The following SDK1 variants were observed in gnomAD, a reference collection of about 807,000 sequenced individuals.
SDK1 encodes the protein protein sidekick-1.
Under a neutral mutation model 245.5 loss-of-function variants are expected in SDK1, and 157 were observed. The ratio of observed to expected loss-of-function variants is 0.64; its 90% CI spans 0.56 to 0.73. SDK1 has a LOEUF of 0.73. SDK1 is among the 30% of genes least tolerant of loss of function. The probability of loss-of-function intolerance (pLI) is 0.00; values close to 1 mark genes in which losing one functional copy is unlikely to be tolerated. For missense variants in SDK1, 3,583 were observed against 3,002.3 expected (o/e 1.19, Z -4.52); for synonymous variants, 1,647 against 1,278.5 (o/e 1.29, Z -6.15).
At chr7:4,062,394 AC>A (rs112839725) in intron 19 of SDK1, among the ~76,000 whole-genome samples, 6,988 of 152,224 alleles carry the variant, frequency 0.046, 303 homozygotes, top group African/African-American at 0.11. Context: ...CATACAACCT[AC>A]CAAGATTGAA....
At chr7:3,697,542 T>G (rs976988310) in intron 4 of SDK1, among the ~76,000 whole-genome samples, 4 of 152,194 alleles carry the variant, frequency 2.6e-5, no homozygotes, top group African/African-American at 7.2e-5. Context: ...TAATACCCCT[T>G]TTTTTGAGTC....
At chr7:3,732,701 A>G (rs1208016880) in intron 4 of SDK1, among the ~76,000 whole-genome samples, 1 of 152,202 alleles carries the variant, frequency 6.6e-6, no homozygotes, top group African/African-American at 2.4e-5. Context: ...CTAGCCACAC[A>G]TTTAATGAAA....
At chr7:4,037,761 C>A (rs1485271758) in intron 17 of SDK1, among the ~76,000 whole-genome samples, 3 of 152,172 alleles carry the variant, frequency 2.0e-5, no homozygotes, top group African/African-American at 7.2e-5. Flanking sequence ...ATGAGGAATA[C>A]AGCTTTATAG....
intron 4 of SDK1, among the ~76,000 whole-genome samples, chr7:3,766,490 G>T (rs1780256788): frequency 6.6e-6 from 1 of 152,034 alleles, no homozygotes; most frequent in African/African-American, 2.4e-5. Flanking sequence ...TAGCAAATGG[G>T]GTAATTGTAC....
intron 4 of SDK1, among the ~76,000 whole-genome samples, chr7:3,677,186 G>A (rs991960930): frequency 6.6e-6 from 1 of 152,124 alleles, no homozygotes; most frequent in African/African-American, 2.4e-5. Flanking sequence ...TCTGCTCTGT[G>A]TGCGAAGGGG....
chr7:3,395,573 T>C (rs2128571610), intron 1 of SDK1, among the ~76,000 whole-genome samples: 1 of 152,084 alleles, frequency 6.6e-6, no homozygotes, highest in African/African-American at 2.4e-5. Flanking sequence ...ATTAATATTA[T>C]TTCCTCCTTC....
intron 7 of SDK1, among the ~76,000 whole-genome samples, chr7:3,958,709 A>G (rs1440491196): frequency 6.6e-6 from 1 of 152,200 alleles, no homozygotes; most frequent in Non-Finnish European, 1.5e-5. Context: ...CATAAACTGA[A>G]AAGTAGCCAT....
At chr7:3,663,602 G>T (rs1429804920) in intron 4 of SDK1, among the ~76,000 whole-genome samples, 2 of 152,148 alleles carry the variant, frequency 1.3e-5, no homozygotes, top group African/African-American at 2.4e-5. Flanking sequence ...TGTGTGACAT[G>T]CAGGGTAATC....
intron 15 of SDK1, among the ~76,000 whole-genome samples, chr7:4,011,894 T>G (rs1785996663): frequency 6.6e-6 from 1 of 152,174 alleles, no homozygotes; most frequent in Non-Finnish European, 1.5e-5. Context: ...GTTGCTTGGT[T>G]AACTGATTTT....
intron 4 of SDK1, among the ~76,000 whole-genome samples, chr7:3,674,261 C>G (rs1415263014): frequency 6.6e-6 from 1 of 152,064 alleles, no homozygotes; most frequent in Non-Finnish European, 1.5e-5. Flanking sequence ...TTCAGTGTTA[C>G]AGATGGAGGC....
chr7:3,971,846 C>A (rs966186331), intron 12 of SDK1, among the ~76,000 whole-genome samples: 1 of 152,120 alleles, frequency 6.6e-6, no homozygotes, highest in Non-Finnish European at 1.5e-5. Flanking sequence ...ATCTGTAAAA[C>A]GTACTTGTCA....
In SDK1 at chr7:3,884,226, G is replaced by A. The variant is rs139408460; in HGVS notation, c.847+62643G>A. On this transcript the variant is annotated intron_variant, in intron 5 of 44. Coordinates refer to ENST00000404826, the MANE Select transcript of SDK1 (RefSeq NM_152744.4). ...CTCCGAAAGCATGGGGATTACAGGC[G>A]TGAGCCACTGCACCCGGCCGCCTTT... 5.2e-3 allele frequency among the ~76,000 whole-genome samples: 798 copies of A among 152,140 alleles called. 7 individuals are homozygous for A. The highest frequency in any genetic ancestry group is 0.018 in the African/African-American group (734 of 41,522).
At chr7:4,129,328 TGGG>T (rs1784627420) in intron 26 of SDK1, among the ~76,000 whole-genome samples, 1 of 136,308 alleles carries the variant, frequency 7.3e-6, no homozygotes, top group Non-Finnish European at 1.6e-5. Flanking sequence ...TAGAGCAGCT[TGGG>T]GTGGGGTGCC....
chr7:4,150,475 G>C (rs191135855), intron 30 of SDK1, among the ~76,000 whole-genome samples: 1 of 152,292 alleles, frequency 6.6e-6, no homozygotes, highest in Admixed American at 6.5e-5. Flanking sequence ...TCAGCTCTGC[G>C]TCCCTGCAGT....
intron 13 of SDK1, among the ~76,000 whole-genome samples, chr7:3,984,339 A>T (rs1406929836): frequency 2.0e-5 from 3 of 152,168 alleles, no homozygotes; most frequent in Non-Finnish European, 4.4e-5. Flanking sequence ...CAGTCCACCC[A>T]CCTGGCAGAT....
intron 30 of SDK1, among the ~76,000 whole-genome samples, chr7:4,151,068 C>T (rs1780346951): frequency 6.6e-6 from 1 of 152,178 alleles, no homozygotes; most frequent in Non-Finnish European, 1.5e-5. Context: ...GCCATGGATG[C>T]CAGTATCGCC....
rs188555560 is a variant in SDK1, at chr7:3,614,085, C to G, written c.299-4995C>G. Among the ~76,000 whole-genome samples the G allele has an allele frequency of 4.6e-5, 7 of 152,202 alleles. No individual in the cohort carries two copies. The East Asian group carries it at 1.4e-3, about 30-fold the overall frequency. On this transcript the variant is annotated intron_variant, in intron 1 of 44. Transcript: ENST00000404826. Reference sequence around the variant, plus strand: ...AACAAACCCCCATAGCACAAGTTTACCTATGTAACAAACCTGCACATCCTG... The same window carrying G: ...AACAAACCCCCATAGCACAAGTTTAGCTATGTAACAAACCTGCACATCCTG...
intron 4 of SDK1, among the ~76,000 whole-genome samples, chr7:3,781,894 A>C (rs1228178337): frequency 2.0e-5 from 3 of 152,190 alleles, no homozygotes; most frequent in Non-Finnish European, 1.5e-5. Context: ...AATGATAAAG[A>C]ATGAAGAAAG....
At chr7:3,380,250 T>C (rs181000761) in intron 1 of SDK1, among the ~76,000 whole-genome samples, 272 of 152,326 alleles carry the variant, frequency 1.8e-3, no homozygotes, top group Non-Finnish European at 3.2e-3. Context: ...ACTGTGTACT[T>C]ACTGGAAATG....
Sources: allele counts gnomAD v4.1 joint callset (sites outside exome capture counted in the v4.1 genomes callset), GRCh38; gene constraint gnomAD v4.1.1; transcripts MANE v1.5; gene names NCBI Gene and HGNC (gene_info 2026-07-23, HGNC 2026-07-21).